Variants in GPHN observed in about 807,000 individuals in gnomAD.
The protein encoded by GPHN is gephyrin.
Under a neutral mutation model 95.5 loss-of-function variants are expected in GPHN, and 17 were observed. The observed-to-expected ratio is 0.18, with a 90% CI of 0.12 to 0.27. The LOEUF is 0.27. GPHN is among the 10% of genes least tolerant of loss of function. The probability of loss-of-function intolerance (pLI) is 1.00; values close to 1 mark genes in which losing one functional copy is unlikely to be tolerated. For missense variants in GPHN, 660 were observed against 978.1 expected (o/e 0.67, Z 4.34); for synonymous variants, 320 against 322.5 (o/e 0.99, Z 0.08).
At chr14:67,691,054 A>AC in the GPHN span, 1 of 863,700 alleles carries the variant, frequency 1.2e-6, no homozygotes, top group East Asian at 2.4e-5. Context: ...GTTCAATCAC[A>AC]CAACAAGAAG....
intron 2 of GPHN, among the ~76,000 whole-genome samples, chr14:66,728,304 A>G (rs2071437789): frequency 6.6e-6 from 1 of 152,084 alleles, no homozygotes; most frequent in Non-Finnish European, 1.5e-5. Flanking sequence ...GAGGGGTTGG[A>G]GCCCCCACAC....
chr14:66,721,160 A>T (rs2070705208), intron 2 of GPHN, among the ~76,000 whole-genome samples: 1 of 152,204 alleles, frequency 6.6e-6, no homozygotes, highest in South Asian at 2.1e-4. Flanking sequence ...AGAAACCTTT[A>T]TTCTGTAGCA....
intron 5 of GPHN, among the ~76,000 whole-genome samples, chr14:66,906,080 A>G (rs1567085292): frequency 6.6e-6 from 1 of 151,724 alleles, no homozygotes; most frequent in Admixed American, 6.6e-5. Context: ...AAATGATCAG[A>G]ATGCTACCCT....
chr14:67,279,342 C>T, the GPHN span: 6 of 1,613,366 alleles, frequency 3.7e-6, no homozygotes, highest in East Asian at 2.2e-5. Flanking sequence ...ACAGTTGGAG[C>T]GTATTCGGCA....
chr14:67,465,516 A>T, the GPHN span, among the ~76,000 whole-genome samples: 8 of 152,362 alleles, frequency 5.3e-5, no homozygotes, highest in African/African-American at 1.9e-4. Context: ...ATCTGCATCT[A>T]AACAGAAACT....
chr14:66,813,517 G>A (rs533634865), intron 3 of GPHN, among the ~76,000 whole-genome samples: 4 of 152,288 alleles, frequency 2.6e-5, no homozygotes, highest in South Asian at 4.1e-4. Context: ...GGAGCAACCC[G>A]CTCTCACCAT....
At chr14:66,606,979 T>G (rs897486308) in intron 1 of GPHN, among the ~76,000 whole-genome samples, 16 of 152,186 alleles carry the variant, frequency 1.1e-4, no homozygotes, top group Admixed American at 1.0e-3. Context: ...AGTACTATGT[T>G]GAATAGGAGT....
At chr14:67,580,816 T>C in the GPHN span, 1 of 648,120 alleles carries the variant, frequency 1.5e-6, no homozygotes, top group Non-Finnish European at 2.7e-6. Context: ...GTCAGCCTCC[T>C]GGTGGGAGGA....
chr14:67,579,173 A>G, the GPHN span: 4 of 1,607,616 alleles, frequency 2.5e-6, no homozygotes, highest in Non-Finnish European at 3.4e-6. Context: ...GCCAGCGGGC[A>G]GTGGAGCGGA....
At chr14:67,627,320 G>A in the GPHN span, among the ~76,000 whole-genome samples, 2 of 148,072 alleles carry the variant, frequency 1.4e-5, no homozygotes, top group African/African-American at 5.1e-5. Context: ...TCTGTTTTGT[G>A]ACTTGGGTAG....
chr14:66,579,618 T>C (rs1328323141), intron 1 of GPHN, among the ~76,000 whole-genome samples: 2 of 151,770 alleles, frequency 1.3e-5, no homozygotes, highest in Non-Finnish European at 3.0e-5. Context: ...AAGATTATTA[T>C]ATAATGATAA....
chr14:66,603,103 A>T (rs1354737277), intron 1 of GPHN, among the ~76,000 whole-genome samples: 1 of 151,856 alleles, frequency 6.6e-6, no homozygotes, highest in Non-Finnish European at 1.5e-5. Context: ...TAAACATGGG[A>T]TCATATTTGG....
At chr14:67,666,329 GAGA>G in the GPHN span, among the ~76,000 whole-genome samples, 28 of 152,222 alleles carry the variant, frequency 1.8e-4, no homozygotes, top group Non-Finnish European at 3.5e-4. Context: ...ATGAAAGGGG[GAGA>G]AGAAGACCAC....
chr14:67,573,628 G>A, the GPHN span, among the ~76,000 whole-genome samples: 1 of 152,194 alleles, frequency 6.6e-6, no homozygotes, highest in Non-Finnish European at 1.5e-5. The surrounding 1 kb of genome is among the most constrained non-coding windows in gnomAD (Gnocchi z 4.8). Flanking sequence ...CCTGATTAAG[G>A]TTCCATTTAG....
intron 9 of GPHN, among the ~76,000 whole-genome samples, chr14:67,018,562 C>T (rs140773526): frequency 6.6e-6 from 1 of 152,242 alleles, no homozygotes; most frequent in East Asian, 1.9e-4. Flanking sequence ...TGCATGCCTA[C>T]CGTGCATATG....
chr14:66,922,784 C>T lies in GPHN; in HGVS notation c.575C>T (p.Pro192Leu). 6.2e-7 allele frequency: 1 copy of T among 1,613,772 alleles called. No homozygotes were observed. Residue 192 changes from proline (P) to leucine (L), a missense_variant, in exon 7 of 23, where the codon CCT becomes CTT. By Grantham distance (98) the Pro-to-Leu change is moderately conservative. Coordinates refer to ENST00000478722, the MANE Select transcript of GPHN (RefSeq NM_020806.5). Reference sequence around the variant, plus strand: ...GAAGATTTGCCTTCCCCACCTCCCCCTCTTTCCCCTCCTCCTACTACCAGC... The same window carrying T: ...GAAGATTTGCCTTCCCCACCTCCCCTTCTTTCCCCTCCTCCTACTACCAGC... ...ELEDLPSPPP[P>L]LSPPPTTSPH...
intron 10 of GPHN, among the ~76,000 whole-genome samples, chr14:67,036,920 A>C (rs915356834): frequency 6.6e-6 from 1 of 152,014 alleles, no homozygotes; most frequent in African/African-American, 2.4e-5. Context: ...TTTTATAGAA[A>C]TAGAAAGTAC....
chr14:66,824,450 G>C, intron 3 of GPHN, 24 bp from the exon 4 acceptor site: 1 of 1,279,604 alleles, frequency 7.8e-7, no homozygotes, highest in Non-Finnish European at 1.1e-6. Context: ...TTCTGCACAT[G>C]ACTATACTAT....
chr14:66,674,131 C>A (rs1595496395), intron 1 of GPHN, among the ~76,000 whole-genome samples: 1 of 150,370 alleles, frequency 6.7e-6, no homozygotes, highest in East Asian at 1.9e-4. Flanking sequence ...TGGAATCTCG[C>A]TCTGTCCCCC....
Sources: gnomAD v4.1 joint callset for allele counts (sites outside exome capture counted in the v4.1 genomes callset) on GRCh38, gnomAD v4.1.1 for gene constraint, Gnocchi (gnomAD v3.1) non-coding constraint, MANE v1.5 for transcripts, NCBI Gene and HGNC (gene_info 2026-07-23, HGNC 2026-07-21) for gene names.